Variants in FILIP1L observed in about 807,000 individuals in gnomAD.
FILIP1L encodes filamin A interacting protein 1 like.
Under a neutral mutation model 96.6 loss-of-function variants are expected in FILIP1L, and 55 were observed. That is an observed-to-expected ratio of 0.57 (90% CI 0.46 to 0.71). FILIP1L has a LOEUF of 0.71. Among genes scored for constraint, FILIP1L ranks in the 30% least tolerant of loss-of-function variants. The pLI is 0.00. For missense variants in FILIP1L, 1,304 were observed against 1,321.2 expected (o/e 0.99, Z 0.20); for synonymous variants, 467 against 473.9 (o/e 0.99, Z 0.19).
chr3:100,003,954 A>G (rs770965345), intron 1 of FILIP1L, among the ~76,000 whole-genome samples: 1 of 152,320 alleles, frequency 6.6e-6, no homozygotes, highest in Non-Finnish European at 1.5e-5. Context: ...CAATGAGTCT[A>G]TGCCTGGGAA....
rs558810088 is a variant in FILIP1L at position 99,920,368 on chromosome 3, T to G, written c.605+3862A>C. On this transcript the variant is annotated intron_variant, in intron 4 of 5. Transcript: ENST00000477258. ...ATTGGCATTTCACTTATGGGAAAAT[T>G]TTGCAAAATTACATTGACTAAAAGT... Among the ~76,000 whole-genome samples, 318 of 152,236 alleles carry G rather than the reference T, an allele frequency of 2.1e-3. 1 individual carries two copies. Among genetic ancestry groups the G allele is most frequent in the Non-Finnish European group, 3.9e-3 (266 of 68,006 alleles).
intron 1 of FILIP1L, among the ~76,000 whole-genome samples, chr3:100,036,071 A>G (rs914202204): frequency 1.3e-5 from 2 of 152,214 alleles, no homozygotes; most frequent in African/African-American, 2.4e-5. Flanking sequence ...CCCCTGTACC[A>G]TCTCTATACA....
chr3:100,008,258 A>G (rs190604270), intron 1 of FILIP1L, among the ~76,000 whole-genome samples: 30 of 152,310 alleles, frequency 2.0e-4, no homozygotes, highest in Admixed American at 1.6e-3. Flanking sequence ...CTGCTTCCCA[A>G]TTAGATTCCC....
chr3:100,078,169 C>G (rs9814359), intron 1 of FILIP1L, among the ~76,000 whole-genome samples: 32,043 of 151,766 alleles, frequency 0.21, 3,513 homozygotes, highest in South Asian at 0.26. Context: ...AATATATTTG[C>G]TCCCATTCCT....
chr3:99,937,666 G>A (rs1707722039), intron 1 of FILIP1L, among the ~76,000 whole-genome samples: 1 of 152,232 alleles, frequency 6.6e-6, no homozygotes, highest in South Asian at 2.1e-4. Flanking sequence ...GTCCTACAGA[G>A]TTGGACCTCA....
chr3:100,034,245 TG>T (rs2065069526), intron 1 of FILIP1L, among the ~76,000 whole-genome samples: 1 of 152,002 alleles, frequency 6.6e-6, no homozygotes, highest in African/African-American at 2.4e-5. Flanking sequence ...GAACTCAGAA[TG>T]GGGGGAAAAA....
chr3:99,925,369 T>G, intron 3 of FILIP1L, among the ~76,000 whole-genome samples: 1 of 152,210 alleles, frequency 6.6e-6, no homozygotes, highest in East Asian at 1.9e-4. Flanking sequence ...GACTGTGAAC[T>G]CCCTGAAAGC....
At chr3:99,865,164 CGT>C (rs1450116266) in intron 4 of FILIP1L, among the ~76,000 whole-genome samples, 6 of 152,044 alleles carry the variant, frequency 3.9e-5, no homozygotes, top group African/African-American at 7.3e-5. Context: ...TGCCATGTAC[CGT>C]GTTAGTCCTG....
At chr3:99,884,511 T>C (rs961258642) in intron 4 of FILIP1L, among the ~76,000 whole-genome samples, 1 of 152,156 alleles carries the variant, frequency 6.6e-6, no homozygotes, top group Non-Finnish European at 1.5e-5. Context: ...TGCTGTTATT[T>C]ATTAAGAGCC....
At chr3:99,884,455 C>A (rs1002666232) in intron 4 of FILIP1L, among the ~76,000 whole-genome samples, 1 of 152,054 alleles carries the variant, frequency 6.6e-6, no homozygotes, top group Non-Finnish European at 1.5e-5. Flanking sequence ...AAATATGGAA[C>A]CTCTATAAAG....
At chr3:99,911,926 A>C (rs2107639904) in intron 4 of FILIP1L, among the ~76,000 whole-genome samples, 1 of 152,200 alleles carries the variant, frequency 6.6e-6, no homozygotes, top group African/African-American at 2.4e-5. Context: ...TATAACCAAA[A>C]TGTTCGTTCT....
At chr3:100,106,214 C>G (rs559741378) in intron 1 of FILIP1L, among the ~76,000 whole-genome samples, 2 of 152,218 alleles carry the variant, frequency 1.3e-5, no homozygotes, top group South Asian at 2.1e-4. Context: ...GTCAGTACAG[C>G]CAGGATACCA....
At chr3:99,961,794 AT>A (rs1708498856) in intron 1 of FILIP1L, among the ~76,000 whole-genome samples, 1 of 152,098 alleles carries the variant, frequency 6.6e-6, no homozygotes, top group African/African-American at 2.4e-5. Flanking sequence ...CCCTTTCTAG[AT>A]GTCAAACATC....
chr3:100,086,883 C>A (rs4928152), intron 1 of FILIP1L, among the ~76,000 whole-genome samples: 3 of 152,086 alleles, frequency 2.0e-5, no homozygotes, highest in African/African-American at 4.8e-5. Context: ...TATTCTCAAC[C>A]CCTAGTAACT....
At chr3:99,929,509 C>G (rs1707403926) in intron 3 of FILIP1L, among the ~76,000 whole-genome samples, 2 of 132,270 alleles carry the variant, frequency 1.5e-5, no homozygotes, top group African/African-American at 5.8e-5. Context: ...CTGCAAGTTC[C>G]CAGAGTGTGT....
At chr3:100,081,253 T>C (rs1487734917) in intron 1 of FILIP1L, among the ~76,000 whole-genome samples, 1 of 152,218 alleles carries the variant, frequency 6.6e-6, no homozygotes, top group Non-Finnish European at 1.5e-5. Context: ...AATCATCTTT[T>C]ATCTCTTTTT....
chr3:99,884,821 A>G (rs1415607815), intron 4 of FILIP1L, among the ~76,000 whole-genome samples: 1 of 152,236 alleles, frequency 6.6e-6, no homozygotes, highest in East Asian at 1.9e-4. Context: ...TGCTGTTTAC[A>G]GGTATAGATT....
intron 4 of FILIP1L, among the ~76,000 whole-genome samples, chr3:99,883,421 C>T (rs1705793460): frequency 6.6e-6 from 1 of 152,162 alleles, no homozygotes; most frequent in Non-Finnish European, 1.5e-5. Context: ...CACCCTGTGT[C>T]CAAAAGGTTG....
intron 4 of FILIP1L, among the ~76,000 whole-genome samples, chr3:99,878,457 A>G (rs551332680): frequency 3.9e-5 from 6 of 152,372 alleles, no homozygotes; most frequent in Admixed American, 1.3e-4. Flanking sequence ...ATAGCCTTCT[A>G]CATATATAGT....
Sources: gnomAD v4.1 joint callset for allele counts (sites outside exome capture counted in the v4.1 genomes callset) on GRCh38, gnomAD v4.1.1 for gene constraint, MANE v1.5 for transcripts, NCBI Gene and HGNC (gene_info 2026-07-23, HGNC 2026-07-21) for gene names.